Variants in SERHL2 observed in about 807,000 individuals in gnomAD.
SERHL2 encodes serine hydrolase-like protein 2.
In SERHL2, 29 loss-of-function variants were observed where a neutral mutation model predicts 25.5. The observed-to-expected ratio is 1.14, with a 90% CI of 0.85 to 1.55. The LOEUF is 1.55. Among genes scored for constraint, SERHL2 ranks in the 40% most tolerant of loss-of-function variants. The pLI, the probability that SERHL2 is intolerant of heterozygous loss-of-function variation, is 0.00. For synonymous variants in SERHL2, 95 were observed against 103.5 expected, an observed-to-expected ratio of 0.92 and a Z score of 0.50; for missense variants, 240 against 252.3, an observed-to-expected ratio of 0.95 and a Z score of 0.33.
chr22:42,572,445 C>A lies in SERHL2; in HGVS notation c.741C>A (p.His247Gln), dbSNP rs763211700. The A allele has an allele frequency of 6.2e-7, 1 of 1,609,738 alleles. No individual in the cohort carries two copies. The highest frequency in any genetic ancestry group is 1.7e-5 in the Admixed American group (1 of 59,958). ...QAHVLLIKAV[H>Q]GYFDSRQNYS... Reference sequence around the variant, plus strand: ...ACTCCTCACTTTCCAGAGCAGTCCACGGATATTTTGATTCAAGACAGAATT... The same window carrying A: ...ACTCCTCACTTTCCAGAGCAGTCCAAGGATATTTTGATTCAAGACAGAATT... The change falls in exon 11 of 12, where the codon CAC (histidine) becomes CAA (glutamine). Residue 247 changes from histidine (H) to glutamine (Q), a missense_variant. By Grantham distance (24) the His-to-Gln change is conservative. Coordinates refer to ENST00000327678, the MANE Select transcript of SERHL2 (RefSeq NM_014509.5).
chr22:42,573,171 A>C (rs1924480451), intron 11 of SERHL2: 1 of 151,524 alleles, frequency 6.6e-6, no homozygotes. Context: ...CATTGTCACA[A>C]AGGGAAGAAG....
At chr22:42,572,945 T>C (rs551759150) in intron 11 of SERHL2, 1 of 155,516 alleles carries the variant, frequency 6.4e-6, no homozygotes, top group Admixed American at 6.6e-5. Context: ...GCTGGTTTTG[T>C]AGATGGGAGC....
Position 42,571,220 on chromosome 22 carries a change from C to G in SERHL2, c.731+17C>G, listed in dbSNP as rs371076411. The G allele has an allele frequency of 1.9e-6, 3 of 1,608,182 alleles. No homozygotes were observed. The highest frequency in any genetic ancestry group is 2.5e-6 in the Non-Finnish European group (3 of 1,178,092). On this transcript the variant is annotated intron_variant, in intron 10 of 11. Coordinates refer to ENST00000327678, the MANE Select transcript of SERHL2 (RefSeq NM_014509.5). ...GTTGATCAAGTAAGTCTGGACCCAT[C>G]CCCTTCAGCCACCCGCCAAGGAGAC...
At position 42,574,299 on chromosome 22, in the gene SERHL2, T is replaced by G. The variant is rs1366883921; in HGVS notation, c.*244T>G. ...GGCTAATAATAAATATCCAGCCAGC[T>G]GGAGGAAGGAAGGGCAGGCTGGGCC... On this transcript the variant is annotated 3_prime_UTR_variant, in exon 12 of 12. Coordinates refer to ENST00000327678, the MANE Select transcript of SERHL2 (RefSeq NM_014509.5). 3 of 547,212 alleles carry G rather than the reference T, an allele frequency of 5.5e-6. No homozygotes were observed. In the South Asian group the frequency reaches 6.9e-5, roughly 13 times the overall value. The allele number at this position is 547,212 out of a possible 1,614,324, so 33.9% of individuals were successfully genotyped here. A position where few individuals can be genotyped will look rare whatever the true frequency, so the allele number is the denominator to read the frequency against.
At chr22:42,561,202 C>A (rs1390916328) in intron 8 of SERHL2, among the ~76,000 whole-genome samples, 1 of 151,910 alleles carries the variant, frequency 6.6e-6, no homozygotes, top group Non-Finnish European at 1.5e-5. Flanking sequence ...TGCTTCAGAG[C>A]AGTGGTCCAG....
chr22:42,568,100 C>G (rs558360979), intron 9 of SERHL2, among the ~76,000 whole-genome samples: 3 of 152,036 alleles, frequency 2.0e-5, no homozygotes, highest in Admixed American at 6.5e-5. Context: ...TTATGGCTCA[C>G]ACAGCTTCAA....
At chr22:42,569,142 C>CCT (rs1923807735) in intron 9 of SERHL2, 1 of 81,588 alleles carries the variant, frequency 1.2e-5, no homozygotes, top group Non-Finnish European at 2.4e-5. Context: ...TTTTTTTTTT[C>CCT]TTGCAAAGGA....
chr22:42,571,721 C>T (rs1243648515), intron 10 of SERHL2: 1 of 158,936 alleles, frequency 6.3e-6, no homozygotes, highest in Non-Finnish European at 1.4e-5. Flanking sequence ...CGTGCGTGGC[C>T]CACCATAGAC....
intron 8 of SERHL2, 84 bp from the exon 9 acceptor site, chr22:42,566,220 T>C: frequency 2.8e-6 from 4 of 1,412,366 alleles, no homozygotes; most frequent in South Asian, 2.3e-5. Flanking sequence ...TGCAAAGGCC[T>C]GGAGGGTTCC....
chr22:42,556,575 T>C lies in SERHL2; in HGVS notation c.410T>C (p.Leu137Pro). 6.2e-7 allele frequency: 1 copy of C among 1,604,106 alleles called. No homozygotes were observed. Among genetic ancestry groups the C allele is most frequent in the Non-Finnish European group, 8.5e-7 (1 of 1,172,844 alleles). The change falls in exon 6 of 12, where the codon CTC becomes CCC. Residue 137 changes from leucine (L) to proline (P), a missense_variant. Leu to Pro is a moderately conservative substitution (Grantham distance 98). This residue lies in a region of SERHL2 where 9 missense variants were observed against 19.5 expected (regional missense o/e 0.46). Transcript: ENST00000327678. ...ATCTTGCTGGACACGCCGCTCTTTCTCCTGGAATCAGATGTGAGAAGCGGG... is the reference window on the plus strand; with the variant it reads ...ATCTTGCTGGACACGCCGCTCTTTCCCCTGGAATCAGATGTGAGAAGCGGG... ...KLILLDTPLFLLESDEMENLL... is the reference protein window; with the variant it reads ...KLILLDTPLFPLESDEMENLL...
rs371593980 is a variant in SERHL2, at chr22:42,562,130, A to AGTT, written c.613+1868_613+1870dup. Among the ~76,000 whole-genome samples, 20 of 151,880 alleles carry AGTT rather than the reference A, an allele frequency of 1.3e-4. No individual in the cohort carries two copies. The East Asian group carries it at 3.9e-3, about 29-fold the overall frequency. ...TGTGTGCAGACAAGCCCTCTGCAGC[A>AGTT]GTTGTGGCCTTTTGGGACCCAGCAT... On this transcript the variant is annotated intron_variant, in intron 8 of 11. Transcript: ENST00000327678.
chr22:42,572,663 A>T (rs1188482935), intron 11 of SERHL2, 134 bp downstream of exon 11: 1 of 1,433,080 alleles, frequency 7.0e-7, no homozygotes, highest in South Asian at 1.4e-5. Flanking sequence ...AGGATCTATC[A>T]GGCCTCATGC....
rs180845975 is a variant in SERHL2 at position 42,567,480 on chromosome 22, A to T, written c.648+1142A>T. ...GAGATCGAGACCATCCTGGCTAACAAGGTGAAACCCCGTCTCTACTAAAAA... is the reference window on the plus strand; with the variant it reads ...GAGATCGAGACCATCCTGGCTAACATGGTGAAACCCCGTCTCTACTAAAAA... On this transcript the variant is annotated intron_variant, in intron 9 of 11. Transcript: ENST00000327678. Among the ~76,000 whole-genome samples, 451 of 151,400 alleles carry T rather than the reference A, an allele frequency of 3.0e-3. 2 individuals are homozygous for T. The highest frequency in any genetic ancestry group is 1.0e-2 in the African/African-American group (413 of 41,404).
chr22:42,563,182 CTTTTTTTCTTTTTTTT>C (rs1342800328), intron 8 of SERHL2, among the ~76,000 whole-genome samples: 1 of 125,708 alleles, frequency 8.0e-6, no homozygotes, highest in East Asian at 4.3e-4. Context: ...CTGGCTTTTT[CTTTTTTTCTTTTTTTT>C]TTTTTTTGTT....
At chr22:42,568,456 C>G (rs147619510) in intron 9 of SERHL2, among the ~76,000 whole-genome samples, 25 of 151,856 alleles carry the variant, frequency 1.6e-4, no homozygotes, top group African/African-American at 5.1e-4. Context: ...AGATCCTAGT[C>G]AATCTGGCTT....
At chr22:42,559,724 G>GA (rs942218006) in intron 7 of SERHL2, among the ~76,000 whole-genome samples, 4 of 149,052 alleles carry the variant, frequency 2.7e-5, no homozygotes, top group East Asian at 2.0e-4. Context: ...GTCTCACAAA[G>GA]AAAAAAAAAG....
At chr22:42,554,914 GA>G in intron 1 of SERHL2, 23 bp from the exon 2 acceptor site, 1 of 1,279,698 alleles carries the variant, frequency 7.8e-7, no homozygotes, top group Non-Finnish European at 1.1e-6. Context: ...ATGAAGGAAT[GA>G]AAGACCCGGC....
rs568438473 is a variant in SERHL2 at position 42,570,863 on chromosome 22, G to GT, written c.649-257dup. Among the ~76,000 whole-genome samples, 622 of 152,168 alleles carry GT rather than the reference G, an allele frequency of 4.1e-3. 8 individuals are homozygous for GT. Among genetic ancestry groups the GT allele is most frequent in the Non-Finnish European group, 7.5e-3 (507 of 67,970 alleles). ...CACAGGCATACCCGGTGGCAAAGGA[G>GT]TATGGGAAATGGAGTCAGGCTGGGT... On this transcript the variant is annotated intron_variant, in intron 9 of 11. Coordinates refer to ENST00000327678, the MANE Select transcript of SERHL2 (RefSeq NM_014509.5).
At chr22:42,562,235 C>T (rs1408678755) in intron 8 of SERHL2, among the ~76,000 whole-genome samples, 1 of 151,882 alleles carries the variant, frequency 6.6e-6, no homozygotes, top group Non-Finnish European at 1.5e-5. Context: ...CCAAATGCTT[C>T]CCTCCAACCC....
Sources: allele counts gnomAD v4.1 joint callset (sites outside exome capture counted in the v4.1 genomes callset), GRCh38; gene constraint gnomAD v4.1.1; regional missense constraint gnomAD v4.1.1; transcripts MANE v1.5; gene names NCBI Gene and HGNC (gene_info 2026-07-23, HGNC 2026-07-21).